Variants in NIM1K observed in about 807,000 individuals in gnomAD.
NIM1K encodes the protein serine/threonine-protein kinase NIM1.
A neutral mutation model predicts 37.1 loss-of-function variants in NIM1K; 35 were observed. The observed-to-expected ratio is 0.94, with a 90% CI of 0.72 to 1.25. The LOEUF is 1.25. Ranked by LOEUF, NIM1K falls within the 50% of genes most tolerant of loss-of-function variation. The pLI, the probability that NIM1K is intolerant of heterozygous loss-of-function variation, is 0.00. For missense variants in NIM1K, 564 were observed against 548.0 expected, an observed-to-expected ratio of 1.03 and a Z score of -0.29; for synonymous variants, 234 against 206.6, an observed-to-expected ratio of 1.13 and a Z score of -1.14.
At chr5:43,270,893 C>A (rs1753245704) in intron 2 of NIM1K, among the ~76,000 whole-genome samples, 1 of 152,138 alleles carries the variant, frequency 6.6e-6, no homozygotes, top group East Asian at 1.9e-4. Context: ...AAACCTTGAC[C>A]TTTTCCTCAA....
intron 1 of NIM1K, chr5:43,193,769 T>A (rs1751867382): frequency 6.6e-6 from 1 of 152,144 alleles, no homozygotes; most frequent in African/African-American, 2.4e-5. Context: ...CAAAAGATGG[T>A]TTCTGTTAGT....
At chr5:43,266,718 T>A (rs1259437365) in intron 2 of NIM1K, among the ~76,000 whole-genome samples, 2 of 152,244 alleles carry the variant, frequency 1.3e-5, no homozygotes, top group Admixed American at 1.3e-4. Context: ...AGCTGTAGAC[T>A]GGAGCTGTTC....
intron 2 of NIM1K, among the ~76,000 whole-genome samples, chr5:43,268,609 A>G (rs1753205987): frequency 6.6e-6 from 1 of 152,168 alleles, no homozygotes; most frequent in Non-Finnish European, 1.5e-5. Context: ...TACAATAGTG[A>G]TGTTATCTGC....
In NIM1K at chr5:43,280,197, T is replaced by C; in HGVS notation, c.779T>C (p.Leu260Pro). The change falls in exon 4 of 4, where the codon CTT (leucine) becomes CCT (proline). Residue 260 changes from leucine (L) to proline (P), a missense_variant. Leu to Pro is a moderately conservative substitution (Grantham distance 98). Transcript: ENST00000326035. Reference sequence around the variant, plus strand: ...GTGGATATCTGGGCCTTGGGGGTGCTTTTGTACTTCATGGTGACTGGCACC... The same window carrying C: ...GTGGATATCTGGGCCTTGGGGGTGCCTTTGTACTTCATGGTGACTGGCACC... ...IYVDIWALGV[L>P]LYFMVTGTMP... 6.2e-7 allele frequency: 1 copy of C among 1,614,144 alleles called. No homozygotes were observed. Among genetic ancestry groups the C allele is most frequent in the Non-Finnish European group, 8.5e-7 (1 of 1,180,028 alleles).
At chr5:43,196,885 C>T (rs1751924535) in intron 1 of NIM1K, among the ~76,000 whole-genome samples, 1 of 151,492 alleles carries the variant, frequency 6.6e-6, no homozygotes, top group Non-Finnish European at 1.5e-5. Context: ...CAATCCTTCC[C>T]CCTCAACCTC....
intron 2 of NIM1K, among the ~76,000 whole-genome samples, chr5:43,259,415 C>G (rs2040591229): frequency 6.6e-6 from 1 of 152,162 alleles, no homozygotes; most frequent in Admixed American, 6.5e-5. Flanking sequence ...ATAAATGTTA[C>G]CTTTTCACCA....
At chr5:43,250,496 AGG>A (rs1360135204) in intron 2 of NIM1K, among the ~76,000 whole-genome samples, 7 of 152,202 alleles carry the variant, frequency 4.6e-5, no homozygotes, top group Non-Finnish European at 7.3e-5. Flanking sequence ...TCTTGGTCAG[AGG>A]GCATGCATTG....
At chr5:43,247,668 TAACTA>T (rs780885546) in intron 2 of NIM1K, among the ~76,000 whole-genome samples, 3 of 152,220 alleles carry the variant, frequency 2.0e-5, no homozygotes, top group Non-Finnish European at 4.4e-5. Context: ...CAGGTGATTC[TAACTA>T]ACAACATGTA....
At chr5:43,254,637 C>G (rs559326846) in intron 2 of NIM1K, among the ~76,000 whole-genome samples, 1 of 152,232 alleles carries the variant, frequency 6.6e-6, no homozygotes, top group South Asian at 2.1e-4. Flanking sequence ...GCAGCACCTT[C>G]TGGTAGGTGC....
chr5:43,252,974 C>CTTT (rs889713648), intron 2 of NIM1K, among the ~76,000 whole-genome samples: 2 of 139,564 alleles, frequency 1.4e-5, no homozygotes, highest in African/African-American at 2.6e-5. Flanking sequence ...TCCTTCCTTC[C>CTTT]TTTTTTTTTT....
intron 1 of NIM1K, among the ~76,000 whole-genome samples, chr5:43,213,771 C>A (rs1288216311): frequency 1.3e-5 from 2 of 152,048 alleles, no homozygotes; most frequent in Non-Finnish European, 2.9e-5. Flanking sequence ...GCTGGGATTA[C>A]AGGTGTGAGC....
chr5:43,273,684 G>A (rs1164578669), intron 2 of NIM1K, among the ~76,000 whole-genome samples: 2 of 152,230 alleles, frequency 1.3e-5, no homozygotes, highest in East Asian at 1.9e-4. Context: ...TGCTTTTCCA[G>A]AACAGTGGGT....
intron 2 of NIM1K, among the ~76,000 whole-genome samples, chr5:43,275,916 T>C (rs183240340): frequency 0.017 from 2,521 of 150,820 alleles, 31 homozygotes; most frequent in Non-Finnish European, 0.024. Flanking sequence ...TTTTTTTTTT[T>C]CTGAGACGGA....
At chr5:43,233,037 A>T in intron 1 of NIM1K, 1 of 1,275,044 alleles carries the variant, frequency 7.8e-7, no homozygotes, top group South Asian at 1.2e-5. Flanking sequence ...TGAAGGAGTC[A>T]TCTCCTCCCC....
In NIM1K at chr5:43,245,231, G is replaced by A. The variant is rs1165340336; in HGVS notation, c.-545G>A. The A allele has an allele frequency of 4.6e-5, 7 of 152,152 alleles. No individual in the cohort carries two copies. In the East Asian group the frequency reaches 1.3e-3, roughly 29 times the overall value. 9.4% of individuals were successfully genotyped at this position (152,152 alleles called of 1,614,324 possible). On this transcript the variant is annotated 5_prime_UTR_variant, in exon 2 of 4. Transcript: ENST00000326035. The stretch of plus-strand genomic sequence containing the variant: ...TATTTGCAAGTTTCTTCTTTCCTGG[G>A]GTCCAGATTATTAGGTCTCCAGCGC...
chr5:43,201,124 CAA>C (rs540562771), intron 1 of NIM1K, among the ~76,000 whole-genome samples: 14 of 83,254 alleles, frequency 1.7e-4, no homozygotes, highest in Admixed American at 1.5e-4. Flanking sequence ...GACAACATCT[CAA>C]AAAAAAAAAA....
chr5:43,266,692 C>T (rs10070073), intron 2 of NIM1K, among the ~76,000 whole-genome samples: 51 of 152,338 alleles, frequency 3.3e-4, no homozygotes, highest in African/African-American at 8.9e-4. Context: ...CTGTCTTCTG[C>T]GTTGCTCATG....
At position 43,253,210 on chromosome 5, in the gene NIM1K, ATATGTGTGTG is replaced by A. The variant is rs1234673599; in HGVS notation, c.292+7145_292+7154del. 4.9e-4 allele frequency among the ~76,000 whole-genome samples: 30 copies of A among 61,768 alleles called. No individual in the cohort carries two copies. The South Asian group carries it at 6.8e-3, about 14-fold the overall frequency. The allele number at this position is 61,768 out of a possible 152,430, so 40.5% of individuals were successfully genotyped here. ...TATATAATATAATATATAATATAAT[ATATGTGTGTG>A]TGTGTGTGTGTGTGTGTGTGTGTGT... On this transcript the variant is annotated intron_variant, in intron 2 of 3. Transcript: ENST00000326035.
intron 2 of NIM1K, among the ~76,000 whole-genome samples, chr5:43,251,582 T>G (rs1404107868): frequency 6.6e-6 from 1 of 152,222 alleles, no homozygotes; most frequent in Non-Finnish European, 1.5e-5. Flanking sequence ...GGGAATTCTA[T>G]GGACCCACAG....
Sources: allele counts gnomAD v4.1 joint callset (sites outside exome capture counted in the v4.1 genomes callset), GRCh38; gene constraint gnomAD v4.1.1; transcripts MANE v1.5; gene names NCBI Gene and HGNC (gene_info 2026-07-23, HGNC 2026-07-21).